NEGR1: variants seen among roughly 807,000 people sequenced by gnomAD.
NEGR1 encodes IgLON family member 4.
In NEGR1, 10 loss-of-function variants were observed where a neutral mutation model predicts 40.9. The observed-to-expected ratio is 0.24, with a 90% confidence interval of 0.15 to 0.42. NEGR1 has a LOEUF of 0.42. Ranked by LOEUF, NEGR1 falls within the 10% of genes least tolerant of loss-of-function variation. NEGR1 has a pLI of 1.00. For synonymous variants in NEGR1, 185 were observed against 166.8 expected, an observed-to-expected ratio of 1.11 and a Z score of -0.84; for missense variants, 352 against 438.9, an observed-to-expected ratio of 0.80 and a Z score of 1.77.
chr1:71,468,281 T>C (rs970386911), intron 6 of NEGR1: 1 of 152,010 alleles, frequency 6.6e-6, no homozygotes, highest in African/African-American at 2.4e-5. Flanking sequence ...TTCTTATTCA[T>C]AGGTGAGTCT....
chr1:72,272,329 C>T (rs1655872829), intron 1 of NEGR1, among the ~76,000 whole-genome samples: 1 of 151,792 alleles, frequency 6.6e-6, no homozygotes, highest in African/African-American at 2.4e-5. Flanking sequence ...CAAGCACTAA[C>T]TAAGTAGTCT....
intron 1 of NEGR1, among the ~76,000 whole-genome samples, chr1:72,216,479 T>G (rs888601712): frequency 6.7e-6 from 1 of 148,680 alleles, no homozygotes; most frequent in East Asian, 1.9e-4. Context: ...ATATTTTCAT[T>G]TATGAATAAT....
At chr1:71,970,802 T>A (rs921451359) in intron 1 of NEGR1, among the ~76,000 whole-genome samples, 6 of 152,184 alleles carry the variant, frequency 3.9e-5, no homozygotes, top group African/African-American at 1.2e-4. Context: ...GGTTATTAAA[T>A]GAAATATGTA....
chr1:71,673,984 T>C (rs909671646), intron 4 of NEGR1, among the ~76,000 whole-genome samples: 1 of 152,138 alleles, frequency 6.6e-6, no homozygotes. Flanking sequence ...AGTATTAGTT[T>C]TATATTAATA....
chr1:71,604,477 T>C (rs1157513548), intron 5 of NEGR1, among the ~76,000 whole-genome samples: 1 of 152,116 alleles, frequency 6.6e-6, no homozygotes, highest in Admixed American at 6.5e-5. Context: ...AATACTCACA[T>C]AAAATTTATA....
intron 1 of NEGR1, among the ~76,000 whole-genome samples, chr1:71,959,229 T>C (rs1646143613): frequency 6.6e-6 from 1 of 152,072 alleles, no homozygotes; most frequent in Non-Finnish European, 1.5e-5. Flanking sequence ...TATATAAAAA[T>C]CCCTCCCTTG....
intron 6 of NEGR1, among the ~76,000 whole-genome samples, chr1:71,550,169 C>T (rs1035655699): frequency 1.3e-5 from 2 of 151,566 alleles, no homozygotes; most frequent in African/African-American, 4.8e-5. Context: ...TCATCCTTTG[C>T]CACTCATGTG....
chr1:72,268,158 A>T (rs1380995), intron 1 of NEGR1, among the ~76,000 whole-genome samples: 70,541 of 151,006 alleles, frequency 0.47, 17,077 homozygotes, highest in African/African-American at 0.52. Flanking sequence ...CATGTAACAA[A>T]TTCTTTAACT....
rs572399407 is a variant in NEGR1 at position 71,611,149 on chromosome 1, G to A, written c.668-3C>T. The stretch of plus-strand genomic sequence containing the variant: ...AATTTCCTGAATAGTAGGAGCAACT[G>A]CAAAAGAAACAAACAAACAAATACT... On this transcript the variant is annotated splice_region_variant and splice_polypyrimidine_tract_variant and intron_variant, in intron 4 of 6. Transcript: ENST00000357731. 12 of 1,612,482 alleles carry A rather than the reference G, an allele frequency of 7.4e-6. 1 individual carries two copies. The African/African-American group carries it at 1.3e-4, about 18-fold the overall frequency.
intron 2 of NEGR1, among the ~76,000 whole-genome samples, chr1:71,817,673 G>C (rs1284599333): frequency 1.3e-5 from 2 of 151,994 alleles, no homozygotes; most frequent in Non-Finnish European, 2.9e-5. Context: ...GCAAAAAGTG[G>C]CATCCAAAGG....
chr1:72,143,035 G>A (rs1004135549), intron 1 of NEGR1, among the ~76,000 whole-genome samples: 3 of 151,870 alleles, frequency 2.0e-5, no homozygotes, highest in Non-Finnish European at 4.4e-5. Flanking sequence ...AAGTCAATTT[G>A]CTAAAATTTG....
At chr1:71,411,239 C>T (rs1646318076) in intron 6 of NEGR1, among the ~76,000 whole-genome samples, 1 of 152,082 alleles carries the variant, frequency 6.6e-6, no homozygotes, top group Admixed American at 6.5e-5. Context: ...AATCTTTCTT[C>T]TCATTTTAGT....
At chr1:72,130,519 G>A (rs1010237348) in intron 1 of NEGR1, among the ~76,000 whole-genome samples, 13 of 152,086 alleles carry the variant, frequency 8.5e-5, no homozygotes, top group Admixed American at 2.0e-4. Flanking sequence ...TTAAACTGAT[G>A]AACCTGGCGT....
chr1:71,472,201 A>T (rs1343311370), intron 6 of NEGR1, among the ~76,000 whole-genome samples: 3 of 152,150 alleles, frequency 2.0e-5, no homozygotes, highest in East Asian at 3.9e-4. Flanking sequence ...TAGAAATAGT[A>T]AGAGATGGAA....
rs57099081 is a variant in NEGR1 at position 71,579,844 on chromosome 1, C to T, written c.940+12973G>A. 1.2e-3 allele frequency among the ~76,000 whole-genome samples: 181 copies of T among 152,060 alleles called. 1 individual carries two copies. Among genetic ancestry groups the T allele is most frequent in the African/African-American group, 4.3e-3 (180 of 41,476 alleles). On this transcript the variant is annotated intron_variant, in intron 6 of 6. Coordinates refer to ENST00000357731, the MANE Select transcript of NEGR1 (RefSeq NM_173808.3). Reference sequence around the variant, plus strand: ...CTGGCTTCATAGAATTAAGACATTGCAAAATAAGCATCCTCTGAGGTCTCA... The same window carrying T: ...CTGGCTTCATAGAATTAAGACATTGTAAAATAAGCATCCTCTGAGGTCTCA...
chr1:71,812,921 G>C (rs1490841312), intron 2 of NEGR1, among the ~76,000 whole-genome samples: 1 of 151,142 alleles, frequency 6.6e-6, no homozygotes, highest in Non-Finnish European at 1.5e-5. Flanking sequence ...CCCACTTGCT[G>C]AGCTCTTTAG....
intron 6 of NEGR1, among the ~76,000 whole-genome samples, chr1:71,577,476 A>T (rs1449075918): frequency 6.6e-6 from 1 of 152,196 alleles, no homozygotes; most frequent in Non-Finnish European, 1.5e-5. Flanking sequence ...AGAAACCCAG[A>T]TGACTATGTA....
chr1:72,213,435 TAA>T (rs1264906623), intron 1 of NEGR1, among the ~76,000 whole-genome samples: 1 of 152,064 alleles, frequency 6.6e-6, no homozygotes, highest in South Asian at 2.1e-4. Context: ...AAATCTTCAA[TAA>T]AAAGTTTCAT....
chr1:71,576,774 T>G (rs929375571), intron 6 of NEGR1, among the ~76,000 whole-genome samples: 10 of 152,206 alleles, frequency 6.6e-5, no homozygotes, highest in African/African-American at 2.4e-4. Flanking sequence ...TGGAGAAGTA[T>G]TTATAAAAGG....
Sources: gnomAD v4.1 joint callset for allele counts (sites outside exome capture counted in the v4.1 genomes callset) on GRCh38, gnomAD v4.1.1 for gene constraint, MANE v1.5 for transcripts, NCBI Gene and HGNC (gene_info 2026-07-23, HGNC 2026-07-21) for gene names.